The following STAB2 variants were observed in gnomAD, a reference collection of about 807,000 sequenced individuals.
The protein encoded by STAB2 is stabilin-2.
Under a neutral mutation model 338.1 loss-of-function variants are expected in STAB2, and 288 were observed. The ratio of observed to expected loss-of-function variants is 0.85; its 90% confidence interval spans 0.77 to 0.94. The LOEUF (loss-of-function observed/expected upper bound fraction) is 0.94. Among genes scored for constraint, STAB2 ranks in the 40% least tolerant of loss-of-function variants. The pLI is 0.00. For missense variants in STAB2, 3,141 were observed against 3,210.1 expected, an observed-to-expected ratio of 0.98 and a Z score of 0.52; for synonymous variants, 1,202 against 1,193.3, an observed-to-expected ratio of 1.01 and a Z score of -0.15.
intron 6 of STAB2, among the ~76,000 whole-genome samples, chr12:103,636,634 A>C (rs1957552649): frequency 6.6e-6 from 1 of 152,090 alleles, no homozygotes; most frequent in Non-Finnish European, 1.5e-5. Context: ...ATTAAGCTGT[A>C]CTTCACTCTA....
intron 2 of STAB2, among the ~76,000 whole-genome samples, chr12:103,593,230 A>C (rs2138534719): frequency 6.6e-6 from 1 of 152,246 alleles, no homozygotes. Context: ...TTAATTTTTG[A>C]AGGACCTCCA....
intron 65 of STAB2, among the ~76,000 whole-genome samples, chr12:103,760,375 C>CT (rs1884449079): frequency 1.3e-5 from 2 of 152,200 alleles, no homozygotes; most frequent in African/African-American, 4.8e-5. Flanking sequence ...ATCCTCCTGC[C>CT]TCAGCCTCCC....
intron 3 of STAB2, among the ~76,000 whole-genome samples, chr12:103,609,005 G>A: frequency 6.6e-6 from 1 of 152,178 alleles, no homozygotes; most frequent in East Asian, 1.9e-4. Context: ...GTAGATGTGT[G>A]GCATTATTTC....
At chr12:103,685,505 T>A (rs1189315120) in intron 27 of STAB2, among the ~76,000 whole-genome samples, 3 of 152,116 alleles carry the variant, frequency 2.0e-5, no homozygotes, top group African/African-American at 7.2e-5. Context: ...TGTACACACT[T>A]CTTTATGCCA....
At chr12:103,661,500 T>C (rs912785419) in intron 17 of STAB2, among the ~76,000 whole-genome samples, 5 of 152,212 alleles carry the variant, frequency 3.3e-5, no homozygotes, top group Admixed American at 3.3e-4. Context: ...AAGTCCCTGG[T>C]TGTATGGAAA....
intron 55 of STAB2, among the ~76,000 whole-genome samples, chr12:103,741,451 C>G (rs1882575955): frequency 2.0e-5 from 3 of 152,034 alleles, no homozygotes. Flanking sequence ...TGTTGTCTTC[C>G]CCTCCCCACT....
In STAB2 at chr12:103,703,139, T is replaced by C; in HGVS notation, c.3715-9T>C. 1.2e-6 allele frequency: 2 copies of C among 1,610,002 alleles called. No homozygotes were observed. The highest frequency in any genetic ancestry group is 1.7e-6 in the Non-Finnish European group (2 of 1,179,092). On this transcript the variant is annotated splice_polypyrimidine_tract_variant and intron_variant, in intron 34 of 68. Transcript: ENST00000388887. ...CATAAAAAGTGACATTTAACCCTGTTGTTCACAGCTCTATGTAAATGAGGC... is the reference window on the plus strand; with the variant it reads ...CATAAAAAGTGACATTTAACCCTGTCGTTCACAGCTCTATGTAAATGAGGC...
chr12:103,733,981 C>T (rs1402640554), intron 51 of STAB2, among the ~76,000 whole-genome samples: 2 of 144,762 alleles, frequency 1.4e-5, no homozygotes, highest in Non-Finnish European at 3.0e-5. Context: ...GCAGCACAGT[C>T]ATATAGGAGC....
chr12:103,634,314 C>T (rs1241038139), intron 6 of STAB2, among the ~76,000 whole-genome samples: 1 of 152,180 alleles, frequency 6.6e-6, no homozygotes, highest in Non-Finnish European at 1.5e-5. Flanking sequence ...AGTTGGTTCA[C>T]AATTTCAACA....
At chr12:103,639,173 G>A (rs941058290) in intron 8 of STAB2, among the ~76,000 whole-genome samples, 1 of 152,152 alleles carries the variant, frequency 6.6e-6, no homozygotes, top group African/African-American at 2.4e-5. Flanking sequence ...TGAGATAAAA[G>A]ATATGCTTTA....
chr12:103,738,800 A>C (rs1158318101), intron 53 of STAB2, among the ~76,000 whole-genome samples: 1 of 152,180 alleles, frequency 6.6e-6, no homozygotes, highest in Non-Finnish European at 1.5e-5. Context: ...TGGAACTAAC[A>C]CTTGCACCCA....
chr12:103,750,665 A>G lies in STAB2; in HGVS notation c.6525A>G (p.Leu2175=), dbSNP rs1364082189. 1 of 1,614,256 alleles carries G rather than the reference A, an allele frequency of 6.2e-7. No individual in the cohort carries two copies. Among genetic ancestry groups the G allele is most frequent in the South Asian group, 1.1e-5 (1 of 91,090 alleles). ...EPEQLPIDRC[L]QDNGQCHADA... ...AGCAGCTGCCCATTGACCGCTGCTT[A>G]CAGGACAATGGGCAGTGCCATGCAG... The change falls in exon 60 of 69, where the codon TTA becomes TTG. Residue 2175 remains leucine, a synonymous_variant. Transcript: ENST00000388887.
In STAB2 at chr12:103,749,115, G is replaced by A. The variant is rs779748342; in HGVS notation, c.6397G>A (p.Gly2133Arg). Residue 2133 changes from glycine (G) to arginine (R), a missense_variant, in exon 59 of 69, where the codon GGA becomes AGA. Gly to Arg is a moderately radical substitution (Grantham distance 125, BLOSUM62 -2). Coordinates refer to ENST00000388887, the MANE Select transcript of STAB2 (RefSeq NM_017564.10). ...EIDPCADGLN[G>R]GCHEHATCKM... Reference sequence around the variant, plus strand: ...AGACCCCTGTGCAGACGGCCTTAACGGAGGGTGTCACGAGCACGCCACCTG... The same window carrying A: ...AGACCCCTGTGCAGACGGCCTTAACAGAGGGTGTCACGAGCACGCCACCTG... 105 of 1,611,520 alleles carry A rather than the reference G, an allele frequency of 6.5e-5. No individual in the cohort carries two copies. The highest frequency in any genetic ancestry group is 1.0e-4 in the Admixed American group (6 of 59,878).
chr12:103,637,830 C>G (rs1417148889), intron 7 of STAB2, among the ~76,000 whole-genome samples, 186 bp from the exon 8 acceptor site: 1 of 152,216 alleles, frequency 6.6e-6, no homozygotes, highest in Non-Finnish European at 1.5e-5. Flanking sequence ...TATATCAACA[C>G]AATATCTGTA....
In STAB2 at chr12:103,759,180, G is replaced by A. The variant is rs779967231; in HGVS notation, c.7155G>A (p.Met2385Ile). Residue 2385 changes from methionine to isoleucine, a missense_variant, in exon 65 of 69, where the codon ATG becomes ATA. By Grantham distance (10) the Met-to-Ile change is conservative. Coordinates refer to ENST00000388887, the MANE Select transcript of STAB2 (RefSeq NM_017564.10). ...DIEHHLANVS[M>I]FFYNDLVNGT... is the part of the protein sequence containing the mutation. The stretch of plus-strand genomic sequence containing the variant: ...AGCACCACCTCGCCAATGTCAGCAT[G>A]TTTTTCTACAATGACCTTGTCAATG... 13 of 1,614,078 alleles carry A rather than the reference G, an allele frequency of 8.1e-6. No homozygotes were observed. The African/African-American group carries it at 1.7e-4, about 22-fold the overall frequency.
chr12:103,732,908 C>A (rs12425719), intron 50 of STAB2, 98 bp from the exon 51 acceptor site: 2 of 1,445,778 alleles, frequency 1.4e-6, no homozygotes, highest in African/African-American at 1.4e-5. Context: ...CAGTAAGCCA[C>A]GGGCTTGAGC....
intron 44 of STAB2, among the ~76,000 whole-genome samples, chr12:103,721,266 C>T (rs569142226): frequency 5.9e-5 from 9 of 152,230 alleles, no homozygotes; most frequent in Admixed American, 5.2e-4. Flanking sequence ...GTGACTCATT[C>T]CTGAATGTTA....
intron 49 of STAB2, among the ~76,000 whole-genome samples, 197 bp downstream of exon 49, chr12:103,730,453 A>G (rs928974889): frequency 1.3e-5 from 2 of 152,258 alleles, no homozygotes; most frequent in Non-Finnish European, 2.9e-5. Flanking sequence ...AGTGGGTTTT[A>G]TATGTTTTTC....
In STAB2 at chr12:103,695,890, CA is replaced by C. The variant is rs756024915; in HGVS notation, c.3582+49del. ...CTAGGGAAGTTATTTTGTGAAAATT[CA>C]AACACTCAGTGTTTGTAATCCATTA... is the stretch of plus-strand genomic sequence containing the variant. On this transcript the variant is annotated intron_variant, in intron 33 of 68. Transcript: ENST00000388887. 5.8e-5 allele frequency: 91 copies of C among 1,565,926 alleles called. No individual in the cohort carries two copies. In the South Asian group the frequency reaches 1.0e-3, roughly 17 times the overall value.
Sources: gnomAD v4.1 joint callset for allele counts (sites outside exome capture counted in the v4.1 genomes callset) on GRCh38, gnomAD v4.1.1 for gene constraint, MANE v1.5 for transcripts, NCBI Gene and HGNC (gene_info 2026-07-23, HGNC 2026-07-21) for gene names.